GSE1: variants seen among roughly 807,000 people sequenced by gnomAD.
GSE1 encodes the protein genetic suppressor element 1.
A neutral mutation model predicts 112.6 loss-of-function variants in GSE1; 32 were observed. The ratio of observed to expected loss-of-function variants is 0.28; its 90% CI spans 0.21 to 0.38. GSE1 has a LOEUF of 0.38. Ranked by LOEUF, GSE1 falls within the 10% of genes least tolerant of loss-of-function variation. GSE1 has a pLI of 1.00. For synonymous variants in GSE1, 1,115 were observed against 735.6 expected, an observed-to-expected ratio of 1.52 and a Z score of -8.35; for missense variants, 2,348 against 1,699.2, an observed-to-expected ratio of 1.38 and a Z score of -6.71.
rs115036457 is a variant in GSE1 at position 85,340,181 on chromosome 16, A to G, written c.2284-17282A>G. The stretch of plus-strand genomic sequence containing the variant: ...TGGGCAACACAGTGAGACCCCATCT[A>G]TACAAAATATAGAAAAAAATTAGCC... On this transcript the variant is annotated intron_variant, in intron 1 of 2. Coordinates refer to the GSE1 transcript ENST00000637419. 3.7e-3 allele frequency among the ~76,000 whole-genome samples: 567 copies of G among 152,004 alleles called. 3 individuals carry two copies. The highest frequency in any genetic ancestry group is 0.013 in the African/African-American group (543 of 41,464).
At chr16:85,480,944 C>T (rs2050660756) in intron 2 of GSE1, among the ~76,000 whole-genome samples, 1 of 152,242 alleles carries the variant, frequency 6.6e-6, no homozygotes, top group South Asian at 2.1e-4. Flanking sequence ...GCAGCGCGTG[C>T]AGAACCGCAG....
At chr16:85,302,825 G>A (rs563206356) in intron 1 of GSE1, among the ~76,000 whole-genome samples, 6 of 152,300 alleles carry the variant, frequency 3.9e-5, no homozygotes, top group Admixed American at 2.6e-4. Context: ...GGGTGGGTGA[G>A]GTCAGCGGCT....
intron 2 of GSE1, among the ~76,000 whole-genome samples, chr16:85,508,559 G>A (rs2051621275): frequency 6.6e-6 from 1 of 152,198 alleles, no homozygotes; most frequent in South Asian, 2.1e-4. Context: ...TGGGCCTCCA[G>A]CCGTCCACCC....
intron 1 of GSE1, among the ~76,000 whole-genome samples, chr16:85,618,864 G>T (rs995125218): frequency 6.6e-6 from 1 of 152,214 alleles, no homozygotes; most frequent in Non-Finnish European, 1.5e-5. Context: ...GTCTCTCACT[G>T]TGTTGCCCAG....
chr16:85,349,131 C>G (rs571527912), intron 1 of GSE1, among the ~76,000 whole-genome samples: 15 of 152,318 alleles, frequency 9.8e-5, no homozygotes, highest in African/African-American at 3.4e-4. Context: ...TAATAACTTT[C>G]CAATTACACC....
intron 1 of GSE1, among the ~76,000 whole-genome samples, chr16:85,273,730 C>T (rs1219439238): frequency 1.3e-5 from 2 of 151,992 alleles, no homozygotes; most frequent in Non-Finnish European, 2.9e-5. Context: ...GCCCTTGTCG[C>T]CCAGTCTGGA....
At position 85,373,277 on chromosome 16, in the gene GSE1, G is replaced by A. The variant is rs1487946405; in HGVS notation, c.2464+15634G>A. 6.6e-5 allele frequency among the ~76,000 whole-genome samples: 10 copies of A among 152,232 alleles called. No homozygotes were observed. The highest frequency in any genetic ancestry group is 1.3e-4 in the Admixed American group (2 of 15,282). On this transcript the variant is annotated intron_variant, in intron 2 of 2. Coordinates refer to the GSE1 transcript ENST00000637419. The surrounding 1 kb of genome is among the most constrained non-coding windows in gnomAD (Gnocchi z 5.1). ...ATGCTGGGATCCCCCACTCTCACGC[G>A]CTCTCCCTCCACCCCTTTGTCTCAA...
At chr16:85,310,730 G>A (rs570676377) in intron 1 of GSE1, among the ~76,000 whole-genome samples, 4 of 152,006 alleles carry the variant, frequency 2.6e-5, no homozygotes, top group Admixed American at 1.3e-4. Flanking sequence ...GAAGGGGAGC[G>A]CACCCAGTCA....
intron 2 of GSE1, among the ~76,000 whole-genome samples, chr16:85,396,674 A>T (rs574721135): frequency 3.9e-5 from 6 of 152,180 alleles, no homozygotes; most frequent in Non-Finnish European, 2.9e-5. Flanking sequence ...CATTCTCAGG[A>T]CCCCACAACG....
chr16:85,460,211 A>C (rs2049934858), intron 2 of GSE1, among the ~76,000 whole-genome samples: 1 of 152,200 alleles, frequency 6.6e-6, no homozygotes, highest in South Asian at 2.1e-4. Flanking sequence ...GGCCTGGAGG[A>C]GGCCTTGAGT....
intron 2 of GSE1, among the ~76,000 whole-genome samples, chr16:85,420,396 C>A (rs543190050): frequency 6.6e-6 from 1 of 152,232 alleles, no homozygotes; most frequent in African/African-American, 2.4e-5. Flanking sequence ...GTAGCTCTGG[C>A]AGCCCTGGAA....
intron 2 of GSE1, among the ~76,000 whole-genome samples, chr16:85,513,917 C>T (rs968626447): frequency 2.0e-5 from 3 of 152,124 alleles, no homozygotes; most frequent in Admixed American, 1.3e-4. Context: ...TGGGTCAGGG[C>T]CCCGGGATCT....
chr16:85,475,776 CTTTTTTTTT>C (rs57562071), intron 2 of GSE1, among the ~76,000 whole-genome samples: 2 of 145,872 alleles, frequency 1.4e-5, no homozygotes, highest in Non-Finnish European at 1.5e-5. Flanking sequence ...AATTGTTTTT[CTTTTTTTTT>C]TTTTTTTTTT....
At chr16:85,291,110 G>C (rs1248543907) in intron 1 of GSE1, among the ~76,000 whole-genome samples, 1 of 152,220 alleles carries the variant, frequency 6.6e-6, no homozygotes, top group African/African-American at 2.4e-5. Flanking sequence ...GCCCTGGGAG[G>C]TTGGCACTGT....
chr16:85,222,801 G>C (rs1329457169), intron 1 of GSE1, among the ~76,000 whole-genome samples: 1 of 152,114 alleles, frequency 6.6e-6, no homozygotes. Context: ...CTGTCTCACT[G>C]GTCTCCCGCT....
Position 85,633,911 on chromosome 16 carries a change from C to G in GSE1, c.8-3C>G. 1 of 1,606,616 alleles carries G rather than the reference C, an allele frequency of 6.2e-7. No homozygotes were observed. The highest frequency in any genetic ancestry group is 1.1e-5 in the South Asian group (1 of 89,956). On this transcript the variant is annotated splice_polypyrimidine_tract_variant and splice_region_variant and intron_variant, in intron 1 of 15. Transcript: ENST00000253458. ...ACCTCTGGTTCTTCTTTTCCTGTTT[C>G]AGGCATGAGCCATGAGCCCAAGTCC... is the stretch of plus-strand genomic sequence containing the variant.
intron 2 of GSE1, among the ~76,000 whole-genome samples, chr16:85,485,583 G>C (rs80257148): frequency 1.3e-5 from 2 of 152,262 alleles, no homozygotes; most frequent in African/African-American, 4.8e-5. Context: ...GTTAAGGACA[G>C]ATGGATTACA....
At position 85,661,636 on chromosome 16, in the gene GSE1, C is replaced by T. The variant is rs759179437; in HGVS notation, c.2131C>T (p.Pro711Ser). 1 of 1,611,398 alleles carries T rather than the reference C, an allele frequency of 6.2e-7. No individual in the cohort carries two copies. The highest frequency in any genetic ancestry group is 1.3e-5 in the African/African-American group (1 of 75,044). Residue 711 changes from proline (P) to serine (S), a missense_variant, in exon 9 of 16, where the codon CCC becomes TCC. Pro to Ser is a moderately conservative substitution (Grantham distance 74). Coordinates refer to ENST00000253458, the MANE Select transcript of GSE1 (RefSeq NM_014615.5). ...CAGCGGACCCCTGAAGCCTGGCTCG[C>T]CCTACCGGCCCCCAGTGCCACGGGC... ...ELSGPLKPGS[P>S]YRPPVPRAPD...
chr16:85,226,611 C>G (rs537938358), intron 1 of GSE1, among the ~76,000 whole-genome samples: 102 of 152,220 alleles, frequency 6.7e-4, no homozygotes, highest in Non-Finnish European at 1.4e-3. Context: ...GGTGAGGGAG[C>G]AGGCTGCTGC....
Sources: gnomAD v4.1 joint callset for allele counts (sites outside exome capture counted in the v4.1 genomes callset) on GRCh38, gnomAD v4.1.1 for gene constraint, Gnocchi (gnomAD v3.1) non-coding constraint, MANE v1.5 for transcripts, NCBI Gene and HGNC (gene_info 2026-07-23, HGNC 2026-07-21) for gene names.